Variants in DLGAP5 observed in about 807,000 individuals in gnomAD.
DLGAP5 encodes the protein DLG associated protein 5.
A neutral mutation model predicts 99.6 loss-of-function variants in DLGAP5; 90 were observed. That is an observed-to-expected ratio of 0.90 (90% CI 0.76 to 1.08). The LOEUF is 1.08. Among genes scored for constraint, DLGAP5 ranks in the 50% least tolerant of loss-of-function variants. DLGAP5 has a pLI of 0.00. For synonymous variants in DLGAP5, 311 were observed against 321.3 expected, an observed-to-expected ratio of 0.97 and a Z score of 0.34; for missense variants, 1,036 against 983.5, an observed-to-expected ratio of 1.05 and a Z score of -0.71.
chr14:55,177,441 T>C lies in DLGAP5; in HGVS notation c.775-105A>G, dbSNP rs189890822. The C allele has an allele frequency of 7.0e-4, 748 of 1,062,164 alleles. 5 individuals carry two copies. In the African/African-American group the frequency reaches 0.011, roughly 16 times the overall value. 65.8% of individuals were successfully genotyped at this position (1,062,164 alleles called of 1,614,324 possible). On this transcript the variant is annotated intron_variant, in intron 7 of 18. Transcript: ENST00000247191. ...TATGACAACAGAAATATATGTTCTA[T>C]GTACATAATTTGAGAGACAAAAACA...
intron 12 of DLGAP5, among the ~76,000 whole-genome samples, chr14:55,165,444 G>A (rs1026504914): frequency 2.6e-5 from 4 of 151,930 alleles, no homozygotes; most frequent in Non-Finnish European, 4.4e-5. Flanking sequence ...GGTTGTTTGA[G>A]CCCAGGAAGT....
chr14:55,176,343 G>A (rs182801834), intron 8 of DLGAP5, among the ~76,000 whole-genome samples: 278 of 152,204 alleles, frequency 1.8e-3, no homozygotes, highest in African/African-American at 6.3e-3. Flanking sequence ...TCTTTTAAAG[G>A]TTCCAACTGA....
intron 10 of DLGAP5, among the ~76,000 whole-genome samples, chr14:55,173,597 CTCTCTCTA>C (rs1294631397): frequency 1.4e-5 from 2 of 141,396 alleles, no homozygotes; most frequent in Non-Finnish European, 2.9e-5. Flanking sequence ...GTCTCTCTCT[CTCTCTCTA>C]TATATATATA....
chr14:55,167,508 TTAA>T (rs1426037223), intron 12 of DLGAP5, among the ~76,000 whole-genome samples: 4 of 152,204 alleles, frequency 2.6e-5, no homozygotes, highest in South Asian at 4.1e-4. Context: ...TTCTTTAGAC[TTAA>T]TAATTGTTTT....
intron 11 of DLGAP5, among the ~76,000 whole-genome samples, chr14:55,170,288 A>T (rs1053488440): frequency 1.3e-5 from 2 of 151,630 alleles, no homozygotes; most frequent in African/African-American, 4.9e-5. Context: ...TCTTCAGAAA[A>T]TCTTTTCCAT....
chr14:55,177,023 ATCTTAGC>A, intron 8 of DLGAP5, 32 bp downstream of exon 8: 1 of 1,177,742 alleles, frequency 8.5e-7, no homozygotes, highest in Non-Finnish European at 1.1e-6. Flanking sequence ...TTTATTACCC[ATCTTAGC>A]AAGAGACTTA....
intron 14 of DLGAP5, among the ~76,000 whole-genome samples, chr14:55,155,429 C>T (rs1364554140): frequency 3.3e-5 from 5 of 151,594 alleles, no homozygotes; most frequent in African/African-American, 1.2e-4. Flanking sequence ...TCACTGCAAC[C>T]TCCGCCTCCT....
chr14:55,163,087 G>C lies in DLGAP5; in HGVS notation c.1549-12C>G. 6.5e-7 allele frequency: 1 copy of C among 1,532,264 alleles called. No homozygotes were observed. The highest frequency in any genetic ancestry group is 8.9e-7 in the Non-Finnish European group (1 of 1,124,192). The allele number at this position is 1,532,264 out of a possible 1,614,324, so 94.9% of individuals were successfully genotyped here. A position where few individuals can be genotyped will look rare whatever the true frequency, so the allele number is the denominator to read the frequency against. ...ATTACATCTTCTATCTGTTAATAAAGCACAAGTTTACCAGATTAATGCTAG... is the reference window on the plus strand; with the variant it reads ...ATTACATCTTCTATCTGTTAATAAACCACAAGTTTACCAGATTAATGCTAG... On this transcript the variant is annotated splice_polypyrimidine_tract_variant and intron_variant, in intron 12 of 18. Transcript: ENST00000247191.
At chr14:55,161,614 T>C (rs182155290) in intron 13 of DLGAP5, among the ~76,000 whole-genome samples, 155 of 151,072 alleles carry the variant, frequency 1.0e-3, no homozygotes, top group Non-Finnish European at 1.9e-3. Flanking sequence ...TTCTCCACGA[T>C]GGTCAGGCTG....
rs1156621482 is a variant in DLGAP5, at chr14:55,176,032, C to A, written c.1050-14G>T. 6.3e-7 allele frequency: 1 copy of A among 1,592,258 alleles called. No homozygotes were observed. Among genetic ancestry groups the A allele is most frequent in the Non-Finnish European group, 8.6e-7 (1 of 1,169,096 alleles). On this transcript the variant is annotated splice_polypyrimidine_tract_variant and intron_variant, in intron 8 of 18. Coordinates refer to ENST00000247191, the MANE Select transcript of DLGAP5 (RefSeq NM_014750.5). ...TGAGACTCATCACTAAAAACAATAGCAAAAATATACTTCATGAAACATGAA... is the reference window on the plus strand; with the variant it reads ...TGAGACTCATCACTAAAAACAATAGAAAAAATATACTTCATGAAACATGAA...
intron 10 of DLGAP5, among the ~76,000 whole-genome samples, chr14:55,174,756 T>A (rs748179093): frequency 7.9e-5 from 12 of 151,530 alleles, no homozygotes; most frequent in Non-Finnish European, 1.5e-4. Context: ...AGTGGTGCAA[T>A]CTTGGCTAAC....
chr14:55,179,569 T>C, intron 7 of DLGAP5, 60 bp downstream of exon 7: 1 of 1,429,232 alleles, frequency 7.0e-7, no homozygotes, highest in South Asian at 1.2e-5. Context: ...ATTTCAACTT[T>C]ATGAAAGTAG....
intron 15 of DLGAP5, among the ~76,000 whole-genome samples, chr14:55,153,641 C>T (rs1882099973): frequency 6.6e-6 from 1 of 152,092 alleles, no homozygotes; most frequent in African/African-American, 2.4e-5. Context: ...CTTTATTACA[C>T]AAAGTTGCTT....
chr14:55,189,277 G>A, intron 1 of DLGAP5, 97 bp from the exon 2 acceptor site: 1 of 853,088 alleles, frequency 1.2e-6, no homozygotes, highest in Non-Finnish European at 1.8e-6. Context: ...AGGGCCTTCT[G>A]AAATAAAAAT....
Position 55,173,775 on chromosome 14 carries a change from T to C in DLGAP5, c.1301+1571A>G, listed in dbSNP as rs556240924. Among the ~76,000 whole-genome samples the C allele has an allele frequency of 2.6e-5, 4 of 152,316 alleles. No individual in the cohort carries two copies. In the East Asian group the frequency reaches 5.8e-4, roughly 22 times the overall value. ...CTTTACTGCAATCTCTAAATATAAA[T>C]TGTAAAGATTTCATGGACACTTATC... On this transcript the variant is annotated intron_variant, in intron 10 of 18. Coordinates refer to ENST00000247191, the MANE Select transcript of DLGAP5 (RefSeq NM_014750.5).
intron 14 of DLGAP5, among the ~76,000 whole-genome samples, chr14:55,156,647 C>A (rs1882225804): frequency 6.6e-6 from 1 of 152,158 alleles, no homozygotes; most frequent in Admixed American, 6.5e-5. Flanking sequence ...CTATTCTTAA[C>A]CATGTGCAGG....
rs1458997515 is a variant in DLGAP5, at chr14:55,180,691, G to A, written c.668C>T (p.Thr223Ile). ...TCTTGTGACTGGCTTTCTTGCTGTG[G>A]TAGATGAGACTGTTCTGGGAACCTG... ...AKQVPRTVSSTTARKPVTRAA... is the reference protein window; with the variant it reads ...AKQVPRTVSSITARKPVTRAA... The change falls in exon 6 of 19, where the codon ACC becomes ATC. Residue 223 changes from threonine (T) to isoleucine (I), a missense_variant. Physicochemically the swap from Thr to Ile is moderately conservative, Grantham distance 89. Transcript: ENST00000247191. 6.2e-7 allele frequency: 1 copy of A among 1,614,060 alleles called. No homozygotes were observed. The highest frequency in any genetic ancestry group is 1.3e-5 in the African/African-American group (1 of 74,932).
chr14:55,182,669 A>G (rs1883315584), intron 3 of DLGAP5, among the ~76,000 whole-genome samples: 1 of 152,182 alleles, frequency 6.6e-6, no homozygotes, highest in Non-Finnish European at 1.5e-5. Context: ...TTTTCCAGGT[A>G]TTGGAATCAT....
intron 13 of DLGAP5, among the ~76,000 whole-genome samples, chr14:55,162,024 T>C (rs1882461900): frequency 6.6e-6 from 1 of 151,924 alleles, no homozygotes; most frequent in African/African-American, 2.4e-5. Flanking sequence ...ACAACCTGAG[T>C]TTATAACTAC....
Sources: allele counts gnomAD v4.1 joint callset (sites outside exome capture counted in the v4.1 genomes callset), GRCh38; gene constraint gnomAD v4.1.1; transcripts MANE v1.5; gene names NCBI Gene and HGNC (gene_info 2026-07-23, HGNC 2026-07-21).